The following EBF1 variants were observed in gnomAD, a reference collection of about 807,000 sequenced individuals.
The protein encoded by EBF1 is EBF transcription factor 1.
Under a neutral mutation model 68.4 loss-of-function variants are expected in EBF1, and 10 were observed. The observed-to-expected ratio is 0.15, with a 90% CI of 0.09 to 0.25. The LOEUF is 0.25. Ranked by LOEUF, EBF1 falls within the 10% of genes least tolerant of loss-of-function variation. EBF1 has a pLI of 1.00. For missense variants in EBF1, 509 were observed against 794.4 expected, an observed-to-expected ratio of 0.64 and a Z score of 4.32; for synonymous variants, 298 against 299.8, an observed-to-expected ratio of 0.99 and a Z score of 0.06.
intron 6 of EBF1, among the ~76,000 whole-genome samples, chr5:158,996,706 T>C (rs1158889255): frequency 6.6e-6 from 1 of 152,206 alleles, no homozygotes; most frequent in Non-Finnish European, 1.5e-5. Flanking sequence ...CATTTATTAC[T>C]GAGTTTCTAG....
chr5:158,711,104 T>C (rs548204608), intron 14 of EBF1, among the ~76,000 whole-genome samples: 150 of 152,356 alleles, frequency 9.8e-4, no homozygotes, highest in Non-Finnish European at 1.7e-3. Context: ...TATGTGTATA[T>C]GGTTTTCTTT....
intron 6 of EBF1, among the ~76,000 whole-genome samples, chr5:158,902,297 C>G (rs1414138656): frequency 6.6e-6 from 1 of 152,124 alleles, no homozygotes; most frequent in African/African-American, 2.4e-5. Context: ...ACTCCACCCT[C>G]AAAATAATTA....
intron 6 of EBF1, among the ~76,000 whole-genome samples, chr5:159,016,946 G>A (rs901325278): frequency 2.0e-5 from 3 of 152,164 alleles, no homozygotes; most frequent in African/African-American, 7.2e-5. Flanking sequence ...AAATTCTCTA[G>A]AGCAGTGAGT....
At chr5:158,924,915 T>A (rs925999037) in intron 6 of EBF1, among the ~76,000 whole-genome samples, 8 of 151,640 alleles carry the variant, frequency 5.3e-5, no homozygotes, top group African/African-American at 7.3e-5. Context: ...CTTTCTGTAG[T>A]TTAGCCTCCC....
rs1045942227 is a variant in EBF1 at position 158,883,424 on chromosome 5, A to G, written c.555-43314T>C. Among the ~76,000 whole-genome samples, 22 of 147,364 alleles carry G rather than the reference A, an allele frequency of 1.5e-4. 1 individual carries two copies. The South Asian group carries it at 1.7e-3, about 11-fold the overall frequency. ...TGTGTATATATATACATACATACGT[A>G]TATATATATATACACATACACATAT... On this transcript the variant is annotated intron_variant, in intron 6 of 15. Coordinates refer to ENST00000313708, the MANE Select transcript of EBF1 (RefSeq NM_024007.5).
intron 5 of EBF1, among the ~76,000 whole-genome samples, chr5:159,074,984 T>C (rs913607990): frequency 3.3e-5 from 5 of 152,130 alleles, no homozygotes; most frequent in South Asian, 2.1e-4. Flanking sequence ...AGAAAATACA[T>C]AAAAATATAA....
At chr5:158,840,680 T>G (rs1790133562) in intron 6 of EBF1, among the ~76,000 whole-genome samples, 24 of 103,680 alleles carry the variant, frequency 2.3e-4, no homozygotes, top group Non-Finnish European at 4.0e-4. Context: ...TTTGTTTTTT[T>G]TTTTTTTTTG....
At chr5:159,086,002 G>A (rs1780576907) in intron 4 of EBF1, among the ~76,000 whole-genome samples, 1 of 152,070 alleles carries the variant, frequency 6.6e-6, no homozygotes, top group African/African-American at 2.4e-5. Flanking sequence ...GTACTTGCAT[G>A]AGGAAAAAAT....
chr5:159,048,702 C>T (rs1237617873), intron 6 of EBF1, among the ~76,000 whole-genome samples: 1 of 152,168 alleles, frequency 6.6e-6, no homozygotes, highest in African/African-American at 2.4e-5. Flanking sequence ...ATATAAACTA[C>T]CTGCATCCAA....
At chr5:158,944,249 T>C (rs1285455677) in intron 6 of EBF1, among the ~76,000 whole-genome samples, 2 of 152,020 alleles carry the variant, frequency 1.3e-5, no homozygotes, top group Non-Finnish European at 1.5e-5. Flanking sequence ...CCCCAGCATG[T>C]GATGTTCCCC....
chr5:159,002,280 G>T (rs1762693292), intron 6 of EBF1, among the ~76,000 whole-genome samples: 1 of 150,936 alleles, frequency 6.6e-6, no homozygotes, highest in African/African-American at 2.4e-5. Flanking sequence ...AAAACATAAA[G>T]CTCTTTCCAC....
At chr5:158,707,365 C>T (rs141542761) in intron 15 of EBF1, among the ~76,000 whole-genome samples, 82 of 152,282 alleles carry the variant, frequency 5.4e-4, no homozygotes, top group African/African-American at 1.5e-3. Context: ...GGTGGGAAAG[C>T]GATTGAACAA....
At chr5:158,793,491 TTC>T (rs757002938) in intron 9 of EBF1, among the ~76,000 whole-genome samples, 44 of 152,212 alleles carry the variant, frequency 2.9e-4, no homozygotes, top group African/African-American at 9.6e-4. Context: ...CTCATTTTTT[TTC>T]TTTCTTTCCT....
intron 1 of EBF1, among the ~76,000 whole-genome samples, chr5:159,098,944 AAAAAG>A (rs1316340739): frequency 1.3e-5 from 2 of 152,026 alleles, no homozygotes; most frequent in African/African-American, 4.8e-5. Flanking sequence ...GAAAGAAAGA[AAAAAG>A]AAAAGAGGGA....
At chr5:158,772,881 T>C (rs915932283) in intron 10 of EBF1, among the ~76,000 whole-genome samples, 2 of 152,172 alleles carry the variant, frequency 1.3e-5, no homozygotes, top group Non-Finnish European at 2.9e-5. Context: ...TTTACATATG[T>C]TTCCCTGATC....
chr5:158,855,456 G>A (rs549047820), intron 6 of EBF1, among the ~76,000 whole-genome samples: 164 of 152,286 alleles, frequency 1.1e-3, no homozygotes, highest in African/African-American at 3.8e-3. Flanking sequence ...GTTCCCATTC[G>A]TGAGCACCCC....
At chr5:159,049,430 A>T (rs1394438059) in intron 6 of EBF1, among the ~76,000 whole-genome samples, 1 of 152,184 alleles carries the variant, frequency 6.6e-6, no homozygotes, top group Non-Finnish European at 1.5e-5. Context: ...TGGAGGGAAA[A>T]AAAATCCACT....
intron 6 of EBF1, among the ~76,000 whole-genome samples, chr5:158,988,868 A>G (rs1759686762): frequency 6.6e-6 from 1 of 152,230 alleles, no homozygotes; most frequent in African/African-American, 2.4e-5. Context: ...AGGAGGGAAA[A>G]GAATTTTTTA....
intron 15 of EBF1, among the ~76,000 whole-genome samples, chr5:158,706,316 G>A (rs1221696026): frequency 6.6e-6 from 1 of 150,722 alleles, no homozygotes; most frequent in Non-Finnish European, 1.5e-5. Context: ...TGCAAGCAAG[G>A]TTCTGAGGAG....
Sources: gnomAD v4.1 joint callset for allele counts (sites outside exome capture counted in the v4.1 genomes callset) on GRCh38, gnomAD v4.1.1 for gene constraint, MANE v1.5 for transcripts, NCBI Gene and HGNC (gene_info 2026-07-23, HGNC 2026-07-21) for gene names.